The following TTN variants were observed in gnomAD, a reference collection of about 807,000 sequenced individuals.
The protein encoded by TTN is connectin.
Under a neutral mutation model 3,223.0 loss-of-function variants are expected in TTN, and 1,525 were observed. The ratio of observed to expected loss-of-function variants is 0.47; its 90% CI spans 0.45 to 0.49. The LOEUF is 0.49. TTN is among the 20% of genes least tolerant of loss of function. The pLI is 0.00. For missense variants in TTN, 40,786 were observed against 43,424.0 expected (o/e 0.94, Z 5.40); for synonymous variants, 14,094 against 15,161.0 (o/e 0.93, Z 5.17).
chr2:178,567,241 A>C lies in TTN; in HGVS notation c.78891T>G (p.Thr26297=). 1 of 1,608,146 alleles carries C rather than the reference A, an allele frequency of 6.2e-7. No homozygotes were observed. Among genetic ancestry groups the C allele is most frequent in the Non-Finnish European group, 8.5e-7 (1 of 1,176,804 alleles). Residue 26297 remains threonine, a synonymous_variant, in exon 326 of 363, where the codon ACT becomes ACG. Coordinates refer to ENST00000589042, the MANE Select transcript of TTN (RefSeq NM_001267550.2). ...PGPPEGPVQV[T]GVTSEKCSLT... is the part of the protein sequence containing the mutation. ...AAGAGCATTTTTCAGAAGTGACTCC[A>C]GTAACCTGGACTGGCCCTTCTGGAG...
Position 178,636,304 on chromosome 2 carries a change from A to G in TTN, c.41330-63T>C. 6.7e-7 allele frequency: 1 copy of G among 1,485,738 alleles called. No individual in the cohort carries two copies. The highest frequency in any genetic ancestry group is 8.9e-7 in the Non-Finnish European group (1 of 1,118,230). The allele number at this position is 1,485,738 out of a possible 1,614,324, so 92.0% of individuals were successfully genotyped here. A position where few individuals can be genotyped will look rare whatever the true frequency, so the allele number is the denominator to read the frequency against. ...TATTTTCAATGAAATAAAACTTGGA[A>G]ATAAGAGGTTTTGTAAAACTACAAT... is the stretch of plus-strand genomic sequence containing the variant. On this transcript the variant is annotated intron_variant, in intron 225 of 362. Transcript: ENST00000589042. This position sits in a 1 kb window ranked among gnomAD's most constrained non-coding sequence, Gnocchi z 4.3.
chr2:178,591,637 G>A lies in TTN; in HGVS notation c.60182C>T (p.Pro20061Leu). Residue 20061 changes from proline to leucine, a missense_variant, in exon 303 of 363, where the codon CCT becomes CTT. Pro to Leu is a moderately conservative substitution (Grantham distance 98, BLOSUM62 -3). Transcript: ENST00000589042. ...ACATTCTATCGGGATAGTTGTGTCA[G>A]GGAGACCAAGACCCACAATGTTTTC... is the stretch of plus-strand genomic sequence containing the variant. ...KAENIVGLGL[P>L]DTTIPIECQE... The A allele has an allele frequency of 6.2e-7, 1 of 1,613,392 alleles. No individual in the cohort carries two copies. Among genetic ancestry groups the A allele is most frequent in the Non-Finnish European group, 8.5e-7 (1 of 1,179,544 alleles).
Position 178,614,158 on chromosome 2 carries a change from G to A in TTN, c.49239C>T (p.Thr16413=), listed in dbSNP as rs2056862850. ...TGTACTCTTTATTGGGGATTAATTT[G>A]GTGGCCTTGAAGTTTGTATCCTTGA... ...STVKDTNFKA[T]KLIPNKEYIF... is the part of the protein sequence containing the mutation. The change falls in exon 262 of 363, where the codon ACC becomes ACT. Residue 16413 remains threonine (T), a synonymous_variant. Transcript: ENST00000589042. The A allele has an allele frequency of 1.2e-6, 2 of 1,612,404 alleles. No homozygotes were observed. The highest frequency in any genetic ancestry group is 1.7e-6 in the Non-Finnish European group (2 of 1,179,198).
Position 178,553,542 on chromosome 2 carries a change from A to G in TTN, c.89463T>C (p.Pro29821=), listed in dbSNP as rs1215146152. The change falls in exon 334 of 363, where the codon CCT becomes CCC. Residue 29821 remains proline (P), a synonymous_variant. Coordinates refer to ENST00000589042, the MANE Select transcript of TTN (RefSeq NM_001267550.2). ...CTTGTACAGGTTCATTCATTTCTATAGGTTCTCCTTGTCCAGCACAGTTTA... is the reference window on the plus strand; with the variant it reads ...CTTGTACAGGTTCATTCATTTCTATGGGTTCTCCTTGTCCAGCACAGTTTA... The part of the protein sequence containing the change: ...SAVNCAGQGE[P]IEMNEPVQAK... 1.2e-6 allele frequency: 2 copies of G among 1,613,710 alleles called. No homozygotes were observed. Among genetic ancestry groups the G allele is most frequent in the Non-Finnish European group, 1.7e-6 (2 of 1,179,698 alleles).
Position 178,546,618 on chromosome 2 carries a change from T to G in TTN, c.94810A>C (p.Thr31604Pro). Residue 31604 changes from threonine to proline, a missense_variant, in exon 341 of 363, where the codon ACT (threonine) becomes CCT (proline). Transcript: ENST00000589042. ...SKGSESTGPV[T>P]CRDEYAPPKA... Reference sequence around the variant, plus strand: ...TTCCTACCGTATTCATCTCGGCAAGTGACAGGGCCTGTAGATTCAGACCCT... The same window carrying G: ...TTCCTACCGTATTCATCTCGGCAAGGGACAGGGCCTGTAGATTCAGACCCT... The G allele has an allele frequency of 6.2e-7, 1 of 1,609,704 alleles. No individual in the cohort carries two copies. The highest frequency in any genetic ancestry group is 8.5e-7 in the Non-Finnish European group (1 of 1,176,462).
At position 178,589,416 on chromosome 2, in the gene TTN, A is replaced by G. The variant is rs532360660; in HGVS notation, c.62309T>C (p.Val20770Ala). The change falls in exon 304 of 363, where the codon GTA becomes GCA. Residue 20770 changes from valine (V) to alanine (A), a missense_variant. Transcript: ENST00000589042. The stretch of plus-strand genomic sequence containing the variant: ...GACCCCACTTAATTTCAGATCAAGT[A>G]CTGGTTTTTGTAAGTCTTCTTTCAC... ...VVVKEDLQKP[V>A]LDLKLSGVLT... 6.2e-7 allele frequency: 1 copy of G among 1,613,412 alleles called. No homozygotes were observed. The highest frequency in any genetic ancestry group is 1.1e-5 in the South Asian group (1 of 91,074).
In TTN at chr2:178,581,642, G is replaced by A. The variant is rs779009635; in HGVS notation, c.66626C>T (p.Pro22209Leu). 1.9e-6 allele frequency: 3 copies of A among 1,612,754 alleles called. No individual in the cohort carries two copies. The highest frequency in any genetic ancestry group is 2.5e-6 in the Non-Finnish European group (3 of 1,179,270). The change falls in exon 316 of 363, where the codon CCA (proline) becomes CTA (leucine). Residue 22209 changes from proline to leucine, a missense_variant. Pro to Leu is a moderately conservative substitution (Grantham distance 98, BLOSUM62 -3). Coordinates refer to ENST00000589042, the MANE Select transcript of TTN (RefSeq NM_001267550.2). ...AAAGCGGGTTTTCTGTAGATTCTGT[G>A]GTAAGTTGCACCTCACCCAGTTATC... ...DSDNWVRCNL[P>L]QNLQKTRFEV...
In TTN at chr2:178,795,251, A is replaced by G. The variant is rs1554036458; in HGVS notation, c.916T>C (p.Ser306Pro). ...GAGATTCTTGCTGCTGGAGACACGG[A>G]CCTGAAAACCAAAAGGCAGAGGTCA... ...VRAPTPSPVR[S>P]VSPAARISTS... Residue 306 changes from serine to proline, a missense_variant and splice_region_variant, in exon 7 of 363, where the codon TCC (serine) becomes CCC (proline). Transcript: ENST00000589042. 2.5e-6 allele frequency: 4 copies of G among 1,614,090 alleles called. No homozygotes were observed. The highest frequency in any genetic ancestry group is 1.6e-4 in the Middle Eastern group (1 of 6,062).
In TTN at chr2:178,610,264, C is replaced by G; in HGVS notation, c.51262G>C (p.Glu17088Gln). The change falls in exon 271 of 363, where the codon GAA becomes CAA. Residue 17088 changes from glutamate (E) to glutamine (Q), a missense_variant. Physicochemically the swap from Glu to Gln is conservative, Grantham distance 29. Coordinates refer to ENST00000589042, the MANE Select transcript of TTN (RefSeq NM_001267550.2). ...PILHYVLERR[E>Q]AGRRTYIPVM... is the part of the protein sequence containing the mutation. ...GGTATATATGTTCTCCTCCCAGCTT[C>G]TCTGCGCTCCAGGACATAATGAAGA... The G allele has an allele frequency of 6.2e-7, 1 of 1,613,048 alleles. No homozygotes were observed. The highest frequency in any genetic ancestry group is 8.5e-7 in the Non-Finnish European group (1 of 1,179,282).
chr2:178,618,760 G>A lies in TTN; in HGVS notation c.46790C>T (p.Ala15597Val). Reference protein sequence around the residue: ...MVVPYDAYPKAEAEWFKENEP... With the variant: ...MVVPYDAYPKVEAEWFKENEP... ...ATTTTCTTTAAACCATTCAGCTTCTGCTTTGGGGTAGGCATCATATGGCAC... is the reference window on the plus strand; with the variant it reads ...ATTTTCTTTAAACCATTCAGCTTCTACTTTGGGGTAGGCATCATATGGCAC... Residue 15597 changes from alanine (A) to valine (V), a missense_variant, in exon 251 of 363, where the codon GCA becomes GTA. By Grantham distance (64) the Ala-to-Val change is moderately conservative. Transcript: ENST00000589042. The A allele has an allele frequency of 6.2e-7, 1 of 1,611,670 alleles. No homozygotes were observed. The highest frequency in any genetic ancestry group is 8.5e-7 in the Non-Finnish European group (1 of 1,178,756).
In TTN at chr2:178,712,919, C is replaced by A. The variant is rs2076875576; in HGVS notation, c.27106G>T (p.Val9036Leu). The change falls in exon 94 of 363, where the codon GTA (valine) becomes TTA (leucine). Residue 9036 changes from valine (V) to leucine (L), a missense_variant. Val to Leu is a conservative substitution (Grantham distance 32, BLOSUM62 1). Transcript: ENST00000589042. ...CCTTTTACGATACTTGTGAAAGTTA[C>A]ATTGGTCCCAGTTAAAACATCCATG... Reference protein sequence around the residue: ...DPMDVLTGTNVTFTSIVKGTP... With the variant: ...DPMDVLTGTNLTFTSIVKGTP... 6.2e-7 allele frequency: 1 copy of A among 1,613,020 alleles called. No individual in the cohort carries two copies. The highest frequency in any genetic ancestry group is 1.3e-5 in the African/African-American group (1 of 74,916).
chr2:178,803,345 G>A (rs2094157642), intron 2 of TTN, among the ~76,000 whole-genome samples: 1 of 152,084 alleles, frequency 6.6e-6, no homozygotes. Context: ...ACTTCTCAAG[G>A]AGGCAAATTC....
Position 178,560,540 on chromosome 2 carries a change from T to A in TTN, c.85592A>T (p.Tyr28531Phe), listed in dbSNP as rs1238497869. The A allele has an allele frequency of 3.8e-5, 61 of 1,613,312 alleles. No individual in the cohort carries two copies. Among genetic ancestry groups the A allele is most frequent in the Non-Finnish European group, 5.1e-5 (60 of 1,179,670 alleles). ...ACTCTCTAGGGGCTCACCAACACCA[T>A]ATTTATTAACACCAGTTACTCTAAA... ...YIFRVTGVNK[Y>F]GVGEPLESVA... Residue 28531 changes from tyrosine to phenylalanine, a missense_variant, in exon 326 of 363, where the codon TAT becomes TTT. Tyr to Phe is a conservative substitution (Grantham distance 22, BLOSUM62 3). Coordinates refer to ENST00000589042, the MANE Select transcript of TTN (RefSeq NM_001267550.2).
At chr2:178,677,335 C>CATATGTATATATATAT in intron 146 of TTN, 48 bp from the exon 147 acceptor site, 1 of 247,278 alleles carries the variant, frequency 4.0e-6, no homozygotes, top group Non-Finnish European at 5.6e-6. Context: ...TATACATGGT[C>CATATGTATATATATAT]ATATATATAT....
chr2:178,573,360 T>A lies in TTN; in HGVS notation c.72772A>T (p.Ile24258Phe). ...CCAGCTTTATCACGCCGTTCCACAA[T>A]ATAATTGATGATTTCACTTCCACCA... ...SDGGSEIINY[I>F]VERRDKAGQR... Residue 24258 changes from isoleucine to phenylalanine, a missense_variant, in exon 326 of 363, where the codon ATT becomes TTT. Physicochemically the swap from Ile to Phe is conservative, Grantham distance 21. Coordinates refer to ENST00000589042, the MANE Select transcript of TTN (RefSeq NM_001267550.2). 6.5e-7 allele frequency: 1 copy of A among 1,528,808 alleles called. No homozygotes were observed. Among genetic ancestry groups the A allele is most frequent in the South Asian group, 1.3e-5 (1 of 75,872 alleles). The allele number at this position is 1,528,808 out of a possible 1,614,324, so 94.7% of individuals were successfully genotyped here. A position where few individuals can be genotyped will look rare whatever the true frequency, so the allele number is the denominator to read the frequency against.
chr2:178,722,143 T>C lies in TTN; in HGVS notation c.22529-9A>G, dbSNP rs1429306712. On this transcript the variant is annotated splice_polypyrimidine_tract_variant and intron_variant, in intron 77 of 362. Coordinates refer to ENST00000589042, the MANE Select transcript of TTN (RefSeq NM_001267550.2). Reference sequence around the variant, plus strand: ...GGGAGATTTCTTGGGTTCTGGAGGATGAGAAGAAAGGCAATGTGTATTTTT... The same window carrying C: ...GGGAGATTTCTTGGGTTCTGGAGGACGAGAAGAAAGGCAATGTGTATTTTT... The C allele has an allele frequency of 1.3e-6, 2 of 1,543,462 alleles. No individual in the cohort carries two copies. Among genetic ancestry groups the C allele is most frequent in the East Asian group, 2.3e-5 (1 of 44,294 alleles).
At chr2:178,777,092 G>A in intron 27 of TTN, 43 bp from the exon 28 acceptor site, 1 of 1,613,838 alleles carries the variant, frequency 6.2e-7, no homozygotes, top group Middle Eastern at 1.6e-4. Context: ...TAGTGGTATA[G>A]CTTCCCTGGT....
At chr2:178,527,843 C>T (rs1687119491) in intron 361 of TTN, 95 bp from the exon 362 acceptor site, 2 of 1,181,038 alleles carry the variant, frequency 1.7e-6, no homozygotes, top group Admixed American at 5.6e-5. Flanking sequence ...CTTCAACACA[C>T]ACACAGCAGC....
At chr2:178,642,411 G>A in intron 218 of TTN, 94 bp from the exon 219 acceptor site, 1 of 1,040,968 alleles carries the variant, frequency 9.6e-7, no homozygotes, top group East Asian at 2.7e-5. Flanking sequence ...GTTAACTGTA[G>A]TGCATTAAGT....
Sources: gnomAD v4.1 joint callset for allele counts (sites outside exome capture counted in the v4.1 genomes callset) on GRCh38, gnomAD v4.1.1 for gene constraint, Gnocchi (gnomAD v3.1) non-coding constraint, MANE v1.5 for transcripts, NCBI Gene and HGNC (gene_info 2026-07-23, HGNC 2026-07-21) for gene names.